DNAI7: variants seen among roughly 807,000 people sequenced by gnomAD.
DNAI7 encodes the protein dynein axonemal intermediate chain 7, also known as cancer susceptibility 1.
DNAI7 carries 78 observed loss-of-function variants against 86.6 expected under a neutral mutation model. The observed-to-expected ratio is 0.90, with a 90% CI of 0.75 to 1.09. The LOEUF (loss-of-function observed/expected upper bound fraction) is 1.09, where lower values mean the gene tolerates loss of function less well. DNAI7 is among the 50% of genes least tolerant of loss of function. DNAI7 has a pLI of 0.00. For synonymous variants in DNAI7, 274 were observed against 273.0 expected, an observed-to-expected ratio of 1.00 and a Z score of -0.04; for missense variants, 753 against 810.2, an observed-to-expected ratio of 0.93 and a Z score of 0.86.
At chr12:25,152,488 G>A (rs747779605) in intron 6 of DNAI7, among the ~76,000 whole-genome samples, 13 of 151,728 alleles carry the variant, frequency 8.6e-5, no homozygotes, top group Admixed American at 5.9e-4. Flanking sequence ...AAGAGGGCAC[G>A]GAAGCTCTAC....
Position 25,112,551 on chromosome 12 carries a change from C to T in DNAI7, c.1612-612G>A, listed in dbSNP as rs370177886. On this transcript the variant is annotated intron_variant, in intron 13 of 15. Transcript: ENST00000395987. ...CCTCCCTAGTAGCTGGGACTACAGG[C>T]GCCCACCACCACACCCGGCTAATTT... Among the ~76,000 whole-genome samples, 258 of 151,800 alleles carry T rather than the reference C, an allele frequency of 1.7e-3. 3 individuals carry two copies. The highest frequency in any genetic ancestry group is 0.01 in the South Asian group (48 of 4,796).
chr12:25,122,381 T>C (rs1303309820), intron 10 of DNAI7, among the ~76,000 whole-genome samples: 1 of 136,252 alleles, frequency 7.3e-6, no homozygotes, highest in East Asian at 2.1e-4. Flanking sequence ...TACTGGAGCC[T>C]GGGCAGTTGA....
Position 25,123,235 on chromosome 12 carries a change from C to G in DNAI7, c.1054G>C (p.Val352Leu). Residue 352 changes from valine to leucine, a missense_variant, in exon 10 of 16, where the codon GTA becomes CTA. Val to Leu is a conservative substitution (Grantham distance 32). Transcript: ENST00000395987. ...EAIKCEREMK[V>L]LSETVSAAQL... ...CCTGCTGAAACAGTTTCACTTAATA[C>G]TTTCATCTCTCGTTCACATTTTATG... is the stretch of plus-strand genomic sequence containing the variant. 6.2e-7 allele frequency: 1 copy of G among 1,604,140 alleles called. No homozygotes were observed. Among genetic ancestry groups the G allele is most frequent in the Non-Finnish European group, 8.5e-7 (1 of 1,175,864 alleles).
chr12:25,169,576 G>C (rs1403978573), intron 2 of DNAI7, among the ~76,000 whole-genome samples: 6 of 152,308 alleles, frequency 3.9e-5, no homozygotes, highest in Admixed American at 1.3e-4. Context: ...GGCCAGGAGC[G>C]ATAGCTCATT....
chr12:25,165,559 A>T (rs190780361), intron 2 of DNAI7, among the ~76,000 whole-genome samples: 41 of 152,278 alleles, frequency 2.7e-4, no homozygotes, highest in African/African-American at 9.1e-4. Flanking sequence ...GAGCCCCTGG[A>T]ACTCTGGCCC....
intron 9 of DNAI7, among the ~76,000 whole-genome samples, chr12:25,133,018 G>T (rs2140644075): frequency 6.6e-6 from 1 of 152,188 alleles, no homozygotes; most frequent in Non-Finnish European, 1.5e-5. Flanking sequence ...TCATGCTTTT[G>T]GTTTTGATGC....
intron 7 of DNAI7, among the ~76,000 whole-genome samples, chr12:25,147,719 CTTTCTCAGTCA>C (rs1012733099): frequency 1.3e-5 from 2 of 152,136 alleles, no homozygotes; most frequent in African/African-American, 4.8e-5. Flanking sequence ...AATATGTTAC[CTTTCTCAGTCA>C]TAACATCAGA....
intron 8 of DNAI7, among the ~76,000 whole-genome samples, chr12:25,146,117 G>A (rs1309852836): frequency 6.6e-6 from 1 of 151,844 alleles, no homozygotes; most frequent in African/African-American, 2.4e-5. Flanking sequence ...AGCTACTCAG[G>A]AGGCTGAGGC....
chr12:25,178,184 A>G (rs1181469350), intron 2 of DNAI7, among the ~76,000 whole-genome samples: 1 of 152,140 alleles, frequency 6.6e-6, no homozygotes, highest in Admixed American at 6.5e-5. Flanking sequence ...GTGTGAAATT[A>G]TTTCTTTACC....
At chr12:25,151,040 TAGTA>T (rs1460780492) in intron 6 of DNAI7, among the ~76,000 whole-genome samples, 2 of 152,218 alleles carry the variant, frequency 1.3e-5, no homozygotes. Context: ...AAGGAACAAC[TAGTA>T]AGTGGCAGAA....
At chr12:25,158,648 T>C (rs993575001) in intron 3 of DNAI7, 85 bp from the exon 4 acceptor site, 2 of 1,514,836 alleles carry the variant, frequency 1.3e-6, no homozygotes, top group Non-Finnish European at 1.8e-6. Flanking sequence ...ATTTTCAAGA[T>C]GTAGTGGTGG....
intron 9 of DNAI7, among the ~76,000 whole-genome samples, chr12:25,130,307 G>A (rs979837995): frequency 6.6e-6 from 1 of 152,006 alleles, no homozygotes; most frequent in Non-Finnish European, 1.5e-5. Context: ...GGAGGCCAAG[G>A]CAGGCAGAGC....
At chr12:25,182,119 G>C (rs1276723212) in intron 2 of DNAI7, among the ~76,000 whole-genome samples, 1 of 151,068 alleles carries the variant, frequency 6.6e-6, no homozygotes, top group Non-Finnish European at 1.5e-5. Context: ...AGGCCGAGGC[G>C]GGCAGATCAC....
At chr12:25,119,445 C>A (rs1339751957) in intron 11 of DNAI7, 144 bp from the exon 12 acceptor site, 11 of 503,014 alleles carry the variant, frequency 2.2e-5, no homozygotes, top group Non-Finnish European at 3.1e-5. Flanking sequence ...AATGTCACAA[C>A]AAAATTTAAA....
At chr12:25,172,334 C>T (rs1054204039) in intron 2 of DNAI7, among the ~76,000 whole-genome samples, 1 of 152,060 alleles carries the variant, frequency 6.6e-6, no homozygotes, top group African/African-American at 2.4e-5. Context: ...AAATCAAGAG[C>T]TCAACTCCTT....
chr12:25,146,150 A>G (rs1482676952), intron 8 of DNAI7, among the ~76,000 whole-genome samples: 2 of 151,520 alleles, frequency 1.3e-5, no homozygotes, highest in African/African-American at 4.9e-5. Context: ...TGAACACAGG[A>G]GGCAGAGGTT....
intron 2 of DNAI7, among the ~76,000 whole-genome samples, chr12:25,169,668 T>G (rs190115991): frequency 5.5e-4 from 83 of 151,956 alleles, no homozygotes; most frequent in Non-Finnish European, 8.7e-4. Context: ...GCCAACATGG[T>G]GAAACTCTGT....
At chr12:25,131,647 C>G (rs1199256418) in intron 9 of DNAI7, among the ~76,000 whole-genome samples, 2 of 152,072 alleles carry the variant, frequency 1.3e-5, no homozygotes, top group Non-Finnish European at 2.9e-5. Flanking sequence ...TCCAGCACAC[C>G]CAACTGTAAT....
intron 2 of DNAI7, among the ~76,000 whole-genome samples, chr12:25,167,535 C>T (rs902480240): frequency 6.6e-6 from 1 of 152,154 alleles, no homozygotes; most frequent in Non-Finnish European, 1.5e-5. Context: ...CAACTTTACT[C>T]ATTCTCTCCT....
Sources: allele counts gnomAD v4.1 joint callset (sites outside exome capture counted in the v4.1 genomes callset), GRCh38; gene constraint gnomAD v4.1.1; transcripts MANE v1.5; gene names NCBI Gene and HGNC (gene_info 2026-07-23, HGNC 2026-07-21).